Variants in NDUFV2 observed in about 807,000 individuals in gnomAD.
NDUFV2 encodes NADH:ubiquinone oxidoreductase core subunit V2, also known as NADH dehydrogenase [ubiquinone] flavoprotein 2, mitochondrial.
Under a neutral mutation model 31.6 loss-of-function variants are expected in NDUFV2, and 18 were observed. The ratio of observed to expected loss-of-function variants is 0.57; its 90% CI spans 0.39 to 0.84. The LOEUF is 0.84. NDUFV2 is among the 40% of genes least tolerant of loss of function. The probability of loss-of-function intolerance (pLI) is 0.00; values close to 1 mark genes in which losing one functional copy is unlikely to be tolerated. For synonymous variants in NDUFV2, 83 were observed against 99.8 expected (o/e 0.83, Z 1.01); for missense variants, 314 against 303.6 (o/e 1.03, Z -0.26).
intron 1 of NDUFV2, among the ~76,000 whole-genome samples, chr18:9,110,822 T>C (rs763928670): frequency 2.0e-4 from 30 of 152,232 alleles, no homozygotes; most frequent in Non-Finnish European, 3.8e-4. Context: ...TCTTTTATTT[T>C]ATAAACATTA....
intron 1 of NDUFV2, among the ~76,000 whole-genome samples, chr18:9,112,058 G>C (rs528403952): frequency 1.2e-4 from 16 of 134,334 alleles, no homozygotes; most frequent in Non-Finnish European, 2.1e-4. Flanking sequence ...TCGCTCTGTC[G>C]CCCAGGCAGG....
chr18:9,102,733 T>C lies in NDUFV2; in HGVS notation c.-11T>C, dbSNP rs1598339093. The C allele has an allele frequency of 1.9e-6, 3 of 1,584,508 alleles. No homozygotes were observed. The highest frequency in any genetic ancestry group is 1.4e-5 in the African/African-American group (1 of 73,868). On this transcript the variant is annotated 5_prime_UTR_variant, in exon 1 of 8. Transcript: ENST00000318388. ...TGGCGCGGCTGGGGAAGGTGAACAG[T>C]GTGGCCCGCCATGTTCTTCTCCGCG...
At position 9,126,826 on chromosome 18, in the gene NDUFV2, T is replaced by C; in HGVS notation, c.580-5T>C. 6.2e-7 allele frequency: 1 copy of C among 1,611,104 alleles called. No homozygotes were observed. The highest frequency in any genetic ancestry group is 8.5e-7 in the Non-Finnish European group (1 of 1,177,486). Reference sequence around the variant, plus strand: ...AAATATGACTATTGTTAATTTTTTTTCCAGGAGGATTTGACAGCTAAGGAT... The same window carrying C: ...AAATATGACTATTGTTAATTTTTTTCCCAGGAGGATTTGACAGCTAAGGAT... On this transcript the variant is annotated splice_region_variant and splice_polypyrimidine_tract_variant and intron_variant, in intron 6 of 7. Coordinates refer to ENST00000318388, the MANE Select transcript of NDUFV2 (RefSeq NM_021074.5).
chr18:9,133,836 G>C (rs770360565), intron 7 of NDUFV2, among the ~76,000 whole-genome samples: 1 of 152,164 alleles, frequency 6.6e-6, no homozygotes, highest in African/African-American at 2.4e-5. Flanking sequence ...GGTAGATGCT[G>C]AATCTCCCAA....
At chr18:9,109,819 C>T (rs1240766000) in intron 1 of NDUFV2, among the ~76,000 whole-genome samples, 1 of 152,106 alleles carries the variant, frequency 6.6e-6, no homozygotes, top group Non-Finnish European at 1.5e-5. Context: ...AACACAGAGG[C>T]ACTCAAGTTT....
chr18:9,104,668 C>T (rs968149186), intron 1 of NDUFV2, among the ~76,000 whole-genome samples: 2 of 151,992 alleles, frequency 1.3e-5, no homozygotes, highest in South Asian at 2.1e-4. Flanking sequence ...CTCTCCCTCC[C>T]TCCTTCCTTC....
In NDUFV2 at chr18:9,102,793, A is replaced by C. The variant is rs758553542; in HGVS notation, c.50A>C (p.His17Pro). Residue 17 changes from histidine to proline, a missense_variant, in exon 1 of 8, where the codon CAC becomes CCC. Transcript: ENST00000318388. ...GCCCGGGCGGCTGGCCTCACCGCCCACTGGGTAAGGAGGCTCAAGCTGAGC... is the reference window on the plus strand; with the variant it reads ...GCCCGGGCGGCTGGCCTCACCGCCCCCTGGGTAAGGAGGCTCAAGCTGAGC... The part of the protein sequence containing the change: ...LRARAAGLTA[H>P]WGRHVRNLHK... 2 of 1,571,206 alleles carry C rather than the reference A, an allele frequency of 1.3e-6. No individual in the cohort carries two copies. The highest frequency in any genetic ancestry group is 8.6e-7 in the Non-Finnish European group (1 of 1,160,418).
chr18:9,121,074 T>C (rs1250669729), intron 4 of NDUFV2, among the ~76,000 whole-genome samples: 11 of 152,056 alleles, frequency 7.2e-5, no homozygotes, highest in Non-Finnish European at 1.5e-4. Context: ...TGAGACCCTA[T>C]CTCTTAAAAA....
intron 1 of NDUFV2, among the ~76,000 whole-genome samples, chr18:9,110,751 A>G (rs530749508): frequency 3.7e-4 from 57 of 152,222 alleles, no homozygotes; most frequent in African/African-American, 1.4e-3. Flanking sequence ...CAAGCGATCT[A>G]TGGGGCTTGG....
chr18:9,120,194 C>T (rs1169756867), intron 4 of NDUFV2, among the ~76,000 whole-genome samples: 6 of 152,122 alleles, frequency 3.9e-5, no homozygotes, highest in Admixed American at 2.6e-4. Context: ...ATACAAATAA[C>T]TACATTTGTG....
intron 2 of NDUFV2, among the ~76,000 whole-genome samples, chr18:9,118,808 T>A (rs1311543555): frequency 7.4e-6 from 1 of 134,940 alleles, no homozygotes; most frequent in Non-Finnish European, 1.6e-5. Flanking sequence ...GGGAAAGAGA[T>A]GGTGCTGTTT....
intron 1 of NDUFV2, among the ~76,000 whole-genome samples, chr18:9,112,010 C>G (rs1290255849): frequency 7.2e-6 from 1 of 138,596 alleles, no homozygotes; most frequent in Non-Finnish European, 1.5e-5. Flanking sequence ...CACTCAGCAT[C>G]AGAAGGGTTT....
chr18:9,111,934 T>G (rs1381010418), intron 1 of NDUFV2, among the ~76,000 whole-genome samples: 3 of 151,826 alleles, frequency 2.0e-5, no homozygotes, highest in African/African-American at 7.3e-5. Flanking sequence ...AATGTGTTTA[T>G]TAGAAATGAT....
chr18:9,130,266 A>T (rs1203598167), intron 7 of NDUFV2, among the ~76,000 whole-genome samples: 2 of 152,212 alleles, frequency 1.3e-5, no homozygotes, highest in South Asian at 2.1e-4. Context: ...TTGTATTTTA[A>T]CAATAAGCAG....
chr18:9,103,332 A>G (rs2077824674), intron 1 of NDUFV2: 2 of 392,262 alleles, frequency 5.1e-6, no homozygotes, highest in Non-Finnish European at 9.0e-6. Flanking sequence ...ACGGTATCAA[A>G]CTAACTCTGA....
At chr18:9,123,904 T>C (rs917541225) in intron 5 of NDUFV2, among the ~76,000 whole-genome samples, 1 of 152,248 alleles carries the variant, frequency 6.6e-6, no homozygotes, top group African/African-American at 2.4e-5. Flanking sequence ...GGTCAGACTT[T>C]ACCGTATTTT....
intron 7 of NDUFV2, among the ~76,000 whole-genome samples, chr18:9,129,797 T>C (rs2078024137): frequency 6.6e-6 from 1 of 152,178 alleles, no homozygotes; most frequent in Non-Finnish European, 1.5e-5. Context: ...AGGGCCCAGA[T>C]AAGTAATCTG....
Position 9,118,813 on chromosome 18 carries a change from CTGTT to C in NDUFV2, c.121-511_121-508del, listed in dbSNP as rs2077912639. Among the ~76,000 whole-genome samples, 3 of 52,344 alleles carry C rather than the reference CTGTT, an allele frequency of 5.7e-5. No homozygotes were observed. In the South Asian group the frequency reaches 2.3e-3, roughly 40 times the overall value. 34.3% of individuals were successfully genotyped at this position (52,344 alleles called of 152,430 possible). A position where few individuals can be genotyped will look rare whatever the true frequency, so the allele number is the denominator to read the frequency against. On this transcript the variant is annotated intron_variant, in intron 2 of 7. Coordinates refer to ENST00000318388, the MANE Select transcript of NDUFV2 (RefSeq NM_021074.5). ...TGGAAAACGTGGGAAAGAGATGGTG[CTGTT>C]TTTTTTTTTTTTTTTTTTTTTTTAA...
chr18:9,117,539 A>G (rs939019528), intron 1 of NDUFV2: 12 of 347,042 alleles, frequency 3.5e-5, no homozygotes, highest in African/African-American at 2.5e-4. Context: ...TAGTACATTA[A>G]TTCTCCAAAT....
Sources: allele counts gnomAD v4.1 joint callset (sites outside exome capture counted in the v4.1 genomes callset), GRCh38; gene constraint gnomAD v4.1.1; transcripts MANE v1.5; gene names NCBI Gene and HGNC (gene_info 2026-07-23, HGNC 2026-07-21).